Variants in SLC7A14 observed in about 807,000 individuals in gnomAD.
SLC7A14 encodes gamma-aminobutyric acid transporter SLC7A14.
Under a neutral mutation model 60.2 loss-of-function variants are expected in SLC7A14, and 37 were observed. That is an observed-to-expected ratio of 0.61 (90% CI 0.47 to 0.81). The LOEUF is 0.81. SLC7A14 is among the 30% of genes least tolerant of loss of function. The pLI, the probability that SLC7A14 is intolerant of heterozygous loss-of-function variation, is 0.00. For synonymous variants in SLC7A14, 399 were observed against 395.8 expected, an observed-to-expected ratio of 1.01 and a Z score of -0.10; for missense variants, 886 against 982.7, an observed-to-expected ratio of 0.90 and a Z score of 1.32.
At chr3:170,551,018 C>A (rs1009588026) in intron 1 of SLC7A14, among the ~76,000 whole-genome samples, 2 of 152,142 alleles carry the variant, frequency 1.3e-5, no homozygotes, top group African/African-American at 4.8e-5. Context: ...ATTACCCCCT[C>A]AAAAATCCCA....
intron 1 of SLC7A14, among the ~76,000 whole-genome samples, chr3:170,546,023 A>C (rs1278183471): frequency 6.6e-6 from 1 of 152,264 alleles, no homozygotes; most frequent in East Asian, 1.9e-4. Context: ...CAAAGAAAAC[A>C]GAAGTGTATC....
chr3:170,516,436 G>T (rs1713160853), intron 2 of SLC7A14, among the ~76,000 whole-genome samples: 1 of 151,782 alleles, frequency 6.6e-6, no homozygotes, highest in African/African-American at 2.4e-5. Context: ...TTAAATTTAG[G>T]GGTGGGCCAG....
At chr3:170,495,307 TA>T (rs1377502505) in intron 4 of SLC7A14, among the ~76,000 whole-genome samples, 1 of 152,184 alleles carries the variant, frequency 6.6e-6, no homozygotes, top group African/African-American at 2.4e-5. Flanking sequence ...AATAATTTCT[TA>T]TACTGTTAAG....
chr3:170,491,427 G>A (rs1337637776), intron 4 of SLC7A14, among the ~76,000 whole-genome samples: 1 of 152,050 alleles, frequency 6.6e-6, no homozygotes, highest in Non-Finnish European at 1.5e-5. Flanking sequence ...CAGGACATGT[G>A]GAGGTTCTAC....
chr3:170,577,574 C>A (rs148221799), intron 1 of SLC7A14, among the ~76,000 whole-genome samples: 1 of 143,856 alleles, frequency 7.0e-6, no homozygotes, highest in Non-Finnish European at 1.5e-5. Context: ...GCCGAGATTG[C>A]GCCACTGCAG....
At chr3:170,497,665 TTC>T (rs1712451246) in intron 4 of SLC7A14, among the ~76,000 whole-genome samples, 1 of 152,204 alleles carries the variant, frequency 6.6e-6, no homozygotes, top group Non-Finnish European at 1.5e-5. Flanking sequence ...CAGCTCAAAA[TTC>T]TCTGATTTAT....
chr3:170,575,344 C>T (rs1235288886), intron 1 of SLC7A14, among the ~76,000 whole-genome samples: 2 of 152,184 alleles, frequency 1.3e-5, no homozygotes, highest in African/African-American at 4.8e-5. Context: ...GCTGTGACTC[C>T]ATAATCTCTG....
intron 4 of SLC7A14, among the ~76,000 whole-genome samples, chr3:170,486,807 G>A (rs188460346): frequency 1.8e-4 from 27 of 151,084 alleles, no homozygotes; most frequent in African/African-American, 6.6e-4. Context: ...AGGAGGCAGA[G>A]GTTGCAGTGA....
Position 170,498,736 on chromosome 3 carries a change from G to C in SLC7A14, c.690C>G (p.Ile230Met), listed in dbSNP as rs543046436. The stretch of plus-strand genomic sequence containing the variant: ...TCCCATTGATGAAGAAGAGGCCTGC[G>C]ATCATGATGAACACCCATACTGCCA... Reference protein sequence around the residue: ...LNLAVWVFIMIAGLFFINGKY... With the variant: ...LNLAVWVFIMMAGLFFINGKY... The change falls in exon 4 of 8, where the codon ATC becomes ATG. Residue 230 changes from isoleucine to methionine, a missense_variant. Ile to Met is a conservative substitution (Grantham distance 10). Coordinates refer to ENST00000231706, the MANE Select transcript of SLC7A14 (RefSeq NM_020949.3). 8.1e-6 allele frequency: 13 copies of C among 1,614,034 alleles called. No individual in the cohort carries two copies. The Admixed American group carries it at 2.0e-4, about 25-fold the overall frequency.
intron 1 of SLC7A14, chr3:170,570,229 T>G (rs1413700762): frequency 6.6e-6 from 1 of 152,236 alleles, no homozygotes; most frequent in African/African-American, 2.4e-5. Flanking sequence ...GATGACTGCT[T>G]GAGCCTAGGA....
chr3:170,579,625 C>T (rs1031067468), intron 1 of SLC7A14, among the ~76,000 whole-genome samples: 6 of 152,200 alleles, frequency 3.9e-5, no homozygotes, highest in African/African-American at 7.2e-5. Context: ...TAAAGGGAAG[C>T]CTTATTATTC....
intron 2 of SLC7A14, among the ~76,000 whole-genome samples, chr3:170,523,602 A>G (rs1166006893): frequency 6.6e-6 from 1 of 152,104 alleles, no homozygotes; most frequent in Non-Finnish European, 1.5e-5. Context: ...CTTTCTCTTT[A>G]CTTCATTCTT....
chr3:170,547,187 C>G (rs1228083840), intron 1 of SLC7A14, among the ~76,000 whole-genome samples: 1 of 152,192 alleles, frequency 6.6e-6, no homozygotes, highest in African/African-American at 2.4e-5. Context: ...CTGTGTCCTG[C>G]AGATTCTATG....
At chr3:170,473,007 G>T (rs1282272113) in intron 7 of SLC7A14, among the ~76,000 whole-genome samples, 1 of 152,124 alleles carries the variant, frequency 6.6e-6, no homozygotes, top group Non-Finnish European at 1.5e-5. Flanking sequence ...TCATCCCAGG[G>T]AAGTTAAGAA....
At chr3:170,542,709 G>A (rs146472498) in intron 1 of SLC7A14, among the ~76,000 whole-genome samples, 17 of 152,258 alleles carry the variant, frequency 1.1e-4, no homozygotes, top group African/African-American at 1.9e-4. Context: ...CAAGGTTGAC[G>A]GTGACCTCAT....
intron 1 of SLC7A14, among the ~76,000 whole-genome samples, chr3:170,576,922 G>T (rs1350370816): frequency 6.6e-6 from 1 of 152,118 alleles, no homozygotes; most frequent in Non-Finnish European, 1.5e-5. Flanking sequence ...AAACCAGGAG[G>T]CCTCTCCTAT....
At chr3:170,496,937 C>T (rs1216857660) in intron 4 of SLC7A14, among the ~76,000 whole-genome samples, 23 of 152,054 alleles carry the variant, frequency 1.5e-4, no homozygotes, top group African/African-American at 5.6e-4. Context: ...CCCCAGAGCC[C>T]GGGAGGGAGG....
rs1739740630 is a variant in SLC7A14 at position 170,467,206 on chromosome 3, C to T, written c.2165G>A (p.Gly722Glu). 1.2e-6 allele frequency: 2 copies of T among 1,614,232 alleles called. No homozygotes were observed. Among genetic ancestry groups the T allele is most frequent in the African/African-American group, 1.3e-5 (1 of 75,060 alleles). ...TEGESQEDWG[G>E]PTEDKGFYYQ... is the part of the protein sequence containing the mutation. ...ATAGAAGCCTTTGTCTTCAGTGGGC[C>T]CGCCCCAGTCCTCCTGGCTCTCGCC... is the stretch of plus-strand genomic sequence containing the variant. The change falls in exon 8 of 8, where the codon GGG becomes GAG. Residue 722 changes from glycine (G) to glutamate (E), a missense_variant. By Grantham distance (98) the Gly-to-Glu change is moderately conservative. Coordinates refer to ENST00000231706, the MANE Select transcript of SLC7A14 (RefSeq NM_020949.3).
At chr3:170,494,250 GAA>G (rs949710566) in intron 4 of SLC7A14, among the ~76,000 whole-genome samples, 1 of 152,258 alleles carries the variant, frequency 6.6e-6, no homozygotes, top group African/African-American at 2.4e-5. Flanking sequence ...GGGCTGTTGT[GAA>G]AATTAAATTA....
Sources: gnomAD v4.1 joint callset for allele counts (sites outside exome capture counted in the v4.1 genomes callset) on GRCh38, gnomAD v4.1.1 for gene constraint, MANE v1.5 for transcripts, NCBI Gene and HGNC (gene_info 2026-07-23, HGNC 2026-07-21) for gene names.